Variants in ZHX3 observed in about 807,000 individuals in gnomAD.
ZHX3 encodes zinc fingers and homeoboxes 3.
ZHX3 carries 20 observed loss-of-function variants against 64.5 expected under a neutral mutation model. The ratio of observed to expected loss-of-function variants is 0.31; its 90% CI spans 0.22 to 0.45. The LOEUF is 0.45. Ranked by LOEUF, ZHX3 falls within the 20% of genes least tolerant of loss-of-function variation. The pLI is 1.00. For missense variants in ZHX3, 1,041 were observed against 1,195.8 expected, an observed-to-expected ratio of 0.87 and a Z score of 1.91; for synonymous variants, 423 against 461.6, an observed-to-expected ratio of 0.92 and a Z score of 1.07.
chr20:41,242,077 G>T (rs1193389696), intron 2 of ZHX3, among the ~76,000 whole-genome samples: 1 of 151,816 alleles, frequency 6.6e-6, no homozygotes, highest in Admixed American at 6.6e-5. Flanking sequence ...TAAGAGACAG[G>T]GTACAAGGAG....
chr20:41,229,950 A>C (rs1483086263), intron 2 of ZHX3, among the ~76,000 whole-genome samples: 2 of 152,138 alleles, frequency 1.3e-5, no homozygotes, highest in Non-Finnish European at 2.9e-5. Flanking sequence ...TAAGGTAAGG[A>C]TCCAACTCTA....
chr20:41,254,302 T>C (rs777461708), intron 2 of ZHX3, among the ~76,000 whole-genome samples: 7 of 152,198 alleles, frequency 4.6e-5, no homozygotes, highest in African/African-American at 7.2e-5. Context: ...CTGGTACAAG[T>C]TGCTTAACCC....
At chr20:41,252,001 C>T (rs879910546) in intron 2 of ZHX3, among the ~76,000 whole-genome samples, 1 of 152,136 alleles carries the variant, frequency 6.6e-6, no homozygotes, top group Non-Finnish European at 1.5e-5. Flanking sequence ...GCTTTTATAA[C>T]TTAAAAAATG....
At chr20:41,286,366 A>G (rs1284637882) in intron 1 of ZHX3, among the ~76,000 whole-genome samples, 2 of 152,246 alleles carry the variant, frequency 1.3e-5, no homozygotes, top group African/African-American at 4.8e-5. Flanking sequence ...CTGATAGTTT[A>G]ACTTGATATC....
At chr20:41,194,924 T>A (rs963233614) in intron 3 of ZHX3, among the ~76,000 whole-genome samples, 1 of 152,148 alleles carries the variant, frequency 6.6e-6, no homozygotes, top group Non-Finnish European at 1.5e-5. Context: ...TCCTTTCTGA[T>A]GTTAGTAATT....
At chr20:41,304,746 C>T (rs2044924365) in intron 1 of ZHX3, among the ~76,000 whole-genome samples, 1 of 152,234 alleles carries the variant, frequency 6.6e-6, no homozygotes. Flanking sequence ...AACTCCCCTA[C>T]TCGAACAAGT....
At chr20:41,294,535 G>C (rs1027698105) in intron 1 of ZHX3, among the ~76,000 whole-genome samples, 1 of 151,974 alleles carries the variant, frequency 6.6e-6, no homozygotes, top group Middle Eastern at 3.4e-3. Context: ...GGTAATTTTT[G>C]TATTTTTAGT....
chr20:41,198,357 C>A (rs1468928022), intron 3 of ZHX3, among the ~76,000 whole-genome samples: 1 of 152,108 alleles, frequency 6.6e-6, no homozygotes, highest in African/African-American at 2.4e-5. Context: ...TGAAGGACTC[C>A]CTTTAGCATT....
intron 3 of ZHX3, among the ~76,000 whole-genome samples, chr20:41,197,570 G>T: frequency 6.6e-6 from 1 of 151,506 alleles, no homozygotes; most frequent in East Asian, 1.9e-4. Flanking sequence ...TATCTAACAT[G>T]AGTCTCTTAA....
chr20:41,240,553 T>A (rs1189707751), intron 2 of ZHX3, among the ~76,000 whole-genome samples: 1 of 152,146 alleles, frequency 6.6e-6, no homozygotes, highest in Non-Finnish European at 1.5e-5. Flanking sequence ...TATTTGTAAA[T>A]GTACGATTAT....
Position 41,201,300 on chromosome 20 carries a change from G to GC in ZHX3, c.2860+756dup, listed in dbSNP as rs201963661. ...CTGGCTCTCACCTGAGCTTCTGGCT[G>GC]CCCTCTGATGGGGTCTCTAATGAGA... On this transcript the variant is annotated intron_variant, in intron 3 of 3. Coordinates refer to ENST00000683867, the MANE Select transcript of ZHX3 (RefSeq NM_001384317.1). This position sits in a 1 kb window ranked among gnomAD's most constrained non-coding sequence, Gnocchi z 5.0. 1.5e-5 allele frequency: 19 copies of GC among 1,303,408 alleles called. No homozygotes were observed. The East Asian group carries it at 1.1e-3, about 72-fold the overall frequency. The allele number at this position is 1,303,408 out of a possible 1,614,324, so 80.7% of individuals were successfully genotyped here.
At chr20:41,236,142 A>G (rs1360142981) in intron 2 of ZHX3, among the ~76,000 whole-genome samples, 1 of 152,262 alleles carries the variant, frequency 6.6e-6, no homozygotes, top group African/African-American at 2.4e-5. Context: ...AAATGGAAGA[A>G]CATTCCATGC....
intron 1 of ZHX3, among the ~76,000 whole-genome samples, chr20:41,310,887 C>A (rs190371055): frequency 1.4e-5 from 2 of 141,270 alleles, no homozygotes; most frequent in Middle Eastern, 4.2e-3. Context: ...CGGCTCACTG[C>A]AACCTCCCCC....
intron 1 of ZHX3, among the ~76,000 whole-genome samples, chr20:41,302,472 C>T (rs1392586021): frequency 6.6e-6 from 1 of 152,236 alleles, no homozygotes; most frequent in Non-Finnish European, 1.5e-5. Context: ...CCTTCCCGAA[C>T]TCTGCCCATA....
chr20:41,221,391 G>T (rs1013566429), intron 2 of ZHX3, among the ~76,000 whole-genome samples: 2 of 152,138 alleles, frequency 1.3e-5, no homozygotes, highest in African/African-American at 4.8e-5. Flanking sequence ...ATACCTGCTT[G>T]TTTCAATTTA....
intron 2 of ZHX3, among the ~76,000 whole-genome samples, chr20:41,246,980 G>A (rs1001778941): frequency 1.3e-5 from 2 of 152,134 alleles, no homozygotes; most frequent in Admixed American, 1.3e-4. Flanking sequence ...TATGTATATG[G>A]CTGGGCATGG....
chr20:41,248,321 G>GTT (rs953522097), intron 2 of ZHX3, among the ~76,000 whole-genome samples: 145 of 147,854 alleles, frequency 9.8e-4, no homozygotes, highest in African/African-American at 3.3e-3. Flanking sequence ...AGTTTCTCCG[G>GTT]TTTTTTTTTT....
In ZHX3 at chr20:41,202,678, C is replaced by T; in HGVS notation, c.2239G>A (p.Gly747Ser). 15 of 1,614,124 alleles carry T rather than the reference C, an allele frequency of 9.3e-6. No individual in the cohort carries two copies. The highest frequency in any genetic ancestry group is 1.3e-5 in the Non-Finnish European group (15 of 1,180,026). ...TCATCATCCTCAGGGTCACAGGCAC[C>T]CAGCCCTGGAATCTCGTTCCTGCCA... The part of the protein sequence containing the change: ...ANGRNEIPGL[G>S]ACDPEDDESN... The change falls in exon 3 of 4, where the codon GGT becomes AGT. Residue 747 changes from glycine to serine, a missense_variant. This residue lies in a region of ZHX3 where 649 missense variants were observed against 739.8 expected (regional missense o/e 0.88). Coordinates refer to ENST00000683867, the MANE Select transcript of ZHX3 (RefSeq NM_001384317.1). This position sits in a 1 kb window ranked among gnomAD's most constrained non-coding sequence, Gnocchi z 7.0.
rs376869731 is a variant in ZHX3, at chr20:41,202,037, G to A, written c.2860+20C>T. 4.5e-6 allele frequency: 7 copies of A among 1,565,384 alleles called. No individual in the cohort carries two copies. The African/African-American group carries it at 8.1e-5, about 18-fold the overall frequency. Reference sequence around the variant, plus strand: ...CCCCTTACCCACACAGGATAGCCATGGCCCCTGTGGACTCCTTACCGAGCT... The same window carrying A: ...CCCCTTACCCACACAGGATAGCCATAGCCCCTGTGGACTCCTTACCGAGCT... On this transcript the variant is annotated intron_variant, in intron 3 of 3. Coordinates refer to ENST00000683867, the MANE Select transcript of ZHX3 (RefSeq NM_001384317.1). This position sits in a 1 kb window ranked among gnomAD's most constrained non-coding sequence, Gnocchi z 7.0.
Sources: allele counts gnomAD v4.1 joint callset (sites outside exome capture counted in the v4.1 genomes callset), GRCh38; gene constraint gnomAD v4.1.1; regional missense constraint gnomAD v4.1.1; non-coding constraint Gnocchi (gnomAD v3.1); transcripts MANE v1.5; gene names NCBI Gene and HGNC (gene_info 2026-07-23, HGNC 2026-07-21).